NME7: variants seen among roughly 807,000 people sequenced by gnomAD.
NME7 encodes the protein NME/NM23 family member 7.
A neutral mutation model predicts 49.1 loss-of-function variants in NME7; 41 were observed. The observed-to-expected ratio is 0.83, with a 90% CI of 0.65 to 1.08. NME7 has a LOEUF of 1.08. NME7 is among the 50% of genes least tolerant of loss of function. The probability of loss-of-function intolerance (pLI) is 0.00; values close to 1 mark genes in which losing one functional copy is unlikely to be tolerated. For synonymous variants in NME7, 139 were observed against 150.6 expected, an observed-to-expected ratio of 0.92 and a Z score of 0.56; for missense variants, 423 against 463.4, an observed-to-expected ratio of 0.91 and a Z score of 0.80.
At chr1:169,279,074 T>C (rs547486971) in intron 7 of NME7, among the ~76,000 whole-genome samples, 2 of 152,318 alleles carry the variant, frequency 1.3e-5, no homozygotes, top group East Asian at 3.9e-4. Flanking sequence ...CCTGGCCGTG[T>C]GAGGTGTCAG....
chr1:169,156,318 TA>T (rs948231367), intron 11 of NME7, among the ~76,000 whole-genome samples: 76 of 147,322 alleles, frequency 5.2e-4, no homozygotes, highest in African/African-American at 1.8e-3. Flanking sequence ...TCAAAAAAAT[TA>T]AAAAAAAAAT....
chr1:169,149,219 T>C (rs767358769), intron 11 of NME7, among the ~76,000 whole-genome samples: 13 of 152,104 alleles, frequency 8.5e-5, no homozygotes, highest in Non-Finnish European at 1.5e-4. Context: ...TGCATACCTG[T>C]AGTCCCAGCT....
chr1:169,288,702 TG>T (rs750030528), intron 6 of NME7, among the ~76,000 whole-genome samples: 20 of 152,174 alleles, frequency 1.3e-4, no homozygotes, highest in Non-Finnish European at 2.2e-4. Context: ...GAATAAAAAG[TG>T]TTCTATTCCT....
intron 1 of NME7, among the ~76,000 whole-genome samples, chr1:169,353,258 C>A (rs1212831110): frequency 6.6e-6 from 1 of 151,878 alleles, no homozygotes; most frequent in Non-Finnish European, 1.5e-5. Flanking sequence ...ACAATGAACT[C>A]ATTTTCAACA....
intron 7 of NME7, among the ~76,000 whole-genome samples, chr1:169,281,047 A>G (rs956260008): frequency 6.6e-6 from 1 of 152,128 alleles, no homozygotes; most frequent in African/African-American, 2.4e-5. Flanking sequence ...TACTTTCAGC[A>G]ATATGGCCAT....
chr1:169,202,230 T>C (rs1450210649), intron 10 of NME7, among the ~76,000 whole-genome samples: 1 of 152,140 alleles, frequency 6.6e-6, no homozygotes, highest in Non-Finnish European at 1.5e-5. Context: ...TAGGAGGTGT[T>C]TGAATCATGG....
intron 10 of NME7, among the ~76,000 whole-genome samples, chr1:169,198,548 A>G (rs1025237416): frequency 5.3e-5 from 8 of 152,260 alleles, no homozygotes; most frequent in Non-Finnish European, 1.2e-4. Context: ...AAAGTACTGA[A>G]TGCATGATAC....
intron 11 of NME7, among the ~76,000 whole-genome samples, chr1:169,150,197 T>A (rs988380032): frequency 1.3e-5 from 2 of 152,112 alleles, no homozygotes; most frequent in Non-Finnish European, 2.9e-5. Context: ...ATATATATTG[T>A]CTCTAATTTA....
Position 169,298,672 on chromosome 1 carries a change from G to A in NME7, c.532C>T (p.Pro178Ser). Residue 178 changes from proline to serine, a missense_variant, in exon 6 of 12, where the codon CCT becomes TCT. Coordinates refer to ENST00000367811, the MANE Select transcript of NME7 (RefSeq NM_013330.5). ...GTGCGTGCCACTCCAGAGTTTGCAG[G>A]TCCCAGCAGTCTTTTCCATTCACAT... ...AICEWKRLLG[P>S]ANSGVARTDA... is the part of the protein sequence containing the mutation. The A allele has an allele frequency of 6.2e-7, 1 of 1,613,864 alleles. No individual in the cohort carries two copies.
intron 1 of NME7, among the ~76,000 whole-genome samples, chr1:169,363,826 T>A (rs1409581285): frequency 6.6e-6 from 1 of 152,216 alleles, no homozygotes; most frequent in Admixed American, 6.5e-5. Flanking sequence ...GACCACCTAA[T>A]TTGAAAGAGC....
chr1:169,232,328 GCTGT>G (rs1258852193), intron 9 of NME7, among the ~76,000 whole-genome samples: 3 of 151,864 alleles, frequency 2.0e-5, no homozygotes, highest in Non-Finnish European at 4.4e-5. Context: ...ACCATGTCAA[GCTGT>G]CTATTATATG....
intron 10 of NME7, among the ~76,000 whole-genome samples, chr1:169,193,310 G>A (rs527907053): frequency 3.9e-5 from 6 of 152,198 alleles, no homozygotes; most frequent in Admixed American, 3.9e-4. Flanking sequence ...CTCTCTTTTT[G>A]TCCTTGCAAG....
chr1:169,198,172 T>C (rs1660441550), intron 10 of NME7, among the ~76,000 whole-genome samples: 1 of 152,032 alleles, frequency 6.6e-6, no homozygotes. Context: ...TCACACCCAC[T>C]GAGATGGCTA....
chr1:169,146,369 T>A (rs1304772517), intron 11 of NME7, among the ~76,000 whole-genome samples: 1 of 152,208 alleles, frequency 6.6e-6, no homozygotes, highest in African/African-American at 2.4e-5. Flanking sequence ...GCATTCTGTA[T>A]AAATTAAGCA....
chr1:169,242,752 T>C (rs1648144770), intron 7 of NME7, among the ~76,000 whole-genome samples: 1 of 149,518 alleles, frequency 6.7e-6, no homozygotes, highest in South Asian at 2.1e-4. Context: ...ACTAGATCAG[T>C]TGTATTTCTA....
intron 10 of NME7, among the ~76,000 whole-genome samples, chr1:169,202,019 A>T (rs1660563818): frequency 6.6e-6 from 1 of 152,180 alleles, no homozygotes; most frequent in East Asian, 1.9e-4. Context: ...GTCTGGCAGC[A>T]GCAGCAGCAA....
intron 11 of NME7, among the ~76,000 whole-genome samples, chr1:169,147,045 G>A (rs540182902): frequency 1.8e-4 from 28 of 152,220 alleles, no homozygotes; most frequent in African/African-American, 6.7e-4. Flanking sequence ...GGAATTCCAG[G>A]GGCACGTGAC....
At chr1:169,191,622 A>G (rs1220942638) in intron 10 of NME7, among the ~76,000 whole-genome samples, 1 of 152,192 alleles carries the variant, frequency 6.6e-6, no homozygotes, top group Non-Finnish European at 1.5e-5. Flanking sequence ...ATTCACGTAT[A>G]ATCTCATCCA....
chr1:169,260,681 G>A (rs929035483), intron 7 of NME7, among the ~76,000 whole-genome samples: 2 of 133,398 alleles, frequency 1.5e-5, no homozygotes, highest in African/African-American at 5.1e-5. Context: ...TTAATCTGCA[G>A]AGGAAAGGGT....
Sources: gnomAD v4.1 joint callset for allele counts (sites outside exome capture counted in the v4.1 genomes callset) on GRCh38, gnomAD v4.1.1 for gene constraint, MANE v1.5 for transcripts, NCBI Gene and HGNC (gene_info 2026-07-23, HGNC 2026-07-21) for gene names.